Variants in DDX42 observed in about 807,000 individuals in gnomAD.
DDX42 encodes DEAD-box helicase 42.
DDX42 carries 22 observed loss-of-function variants against 101.5 expected under a neutral mutation model. The ratio of observed to expected loss-of-function variants is 0.22; its 90% CI spans 0.15 to 0.31. DDX42 has a LOEUF of 0.31. DDX42 is among the 10% of genes least tolerant of loss of function. The pLI, the probability that DDX42 is intolerant of heterozygous loss-of-function variation, is 1.00. For synonymous variants in DDX42, 402 were observed against 401.2 expected (o/e 1.00, Z -0.02); for missense variants, 849 against 1,199.9 (o/e 0.71, Z 4.32).
chr17:63,813,247 T>A lies in DDX42; in HGVS notation c.1695T>A (p.Pro565=). ...TDVAARGLDI[P]SIKTVINYDV... ...TTTCAGCCCGTGGTCTGGACATTCCTTCAATTAAGACTGTCATTAACTATG... is the reference window on the plus strand; with the variant it reads ...TTTCAGCCCGTGGTCTGGACATTCCATCAATTAAGACTGTCATTAACTATG... The change falls in exon 15 of 18, where the codon CCT becomes CCA. Residue 565 remains proline (P), a synonymous_variant. Transcript: ENST00000389924. The A allele has an allele frequency of 6.2e-7, 1 of 1,607,674 alleles. No individual in the cohort carries two copies. Among genetic ancestry groups the A allele is most frequent in the East Asian group, 2.2e-5 (1 of 44,668 alleles).
At chr17:63,787,331 C>T (rs1381830888) in intron 2 of DDX42, 61 bp downstream of exon 2, 2 of 1,524,588 alleles carry the variant, frequency 1.3e-6, no homozygotes, top group Non-Finnish European at 1.8e-6. Flanking sequence ...ATTCTATCAG[C>T]AGAAATTGAG....
At chr17:63,792,670 T>G in intron 3 of DDX42, 108 bp downstream of exon 3, 1 of 1,314,066 alleles carries the variant, frequency 7.6e-7, no homozygotes, top group South Asian at 1.7e-5. Context: ...TATTATTTTT[T>G]TTTTTTTGAG....
At chr17:63,790,100 T>G (rs2039607170) in intron 2 of DDX42, among the ~76,000 whole-genome samples, 1 of 152,080 alleles carries the variant, frequency 6.6e-6, no homozygotes, top group African/African-American at 2.4e-5. Context: ...ATAGCTATGT[T>G]TGCATCACTG....
chr17:63,792,523 C>T lies in DDX42; in HGVS notation c.333C>T (p.Ser111=), dbSNP rs767125429. 43 of 1,613,490 alleles carry T rather than the reference C, an allele frequency of 2.7e-5. No homozygotes were observed. In the East Asian group the frequency reaches 8.3e-4, roughly 31 times the overall value. ...QFHSKPVDSD[S]DDDPLEAFMA... ...ATTCCAAGCCAGTAGATTCTGACAGCGATGATGATCCCTTGGAGGCATTCA... is the reference window on the plus strand; with the variant it reads ...ATTCCAAGCCAGTAGATTCTGACAGTGATGATGATCCCTTGGAGGCATTCA... The change falls in exon 3 of 18, where the codon AGC becomes AGT. Residue 111 remains serine, a synonymous_variant. Transcript: ENST00000389924.
At chr17:63,784,383 A>G (rs2039522514) in intron 1 of DDX42, among the ~76,000 whole-genome samples, 1 of 152,234 alleles carries the variant, frequency 6.6e-6, no homozygotes, top group South Asian at 2.1e-4. Flanking sequence ...TATATAACTC[A>G]TGGTTTTTAC....
At chr17:63,777,955 A>G (rs1246725854) in intron 1 of DDX42, among the ~76,000 whole-genome samples, 1 of 152,222 alleles carries the variant, frequency 6.6e-6, no homozygotes, top group East Asian at 1.9e-4. Context: ...CCTGGGAAAT[A>G]TGAATGGTAA....
intron 1 of DDX42, among the ~76,000 whole-genome samples, chr17:63,785,031 G>A (rs898115722): frequency 8.6e-5 from 13 of 152,040 alleles, no homozygotes; most frequent in African/African-American, 2.9e-4. Flanking sequence ...TTTTTAATTT[G>A]TGTGTATATA....
chr17:63,806,946 G>A lies in DDX42; in HGVS notation c.846+292G>A, dbSNP rs1367534588. Among the ~76,000 whole-genome samples the A allele has an allele frequency of 3.3e-5, 5 of 152,044 alleles. 1 individual carries two copies. In the South Asian group the frequency reaches 8.3e-4, roughly 25 times the overall value. On this transcript the variant is annotated intron_variant, in intron 8 of 17. Transcript: ENST00000389924. ...GTCAATGACTAGAATTCCTTCGTTC[G>A]TCACTTGAAAATTCTCATTCATTAC...
chr17:63,818,713 T>A lies in DDX42; in HGVS notation c.*315T>A. On this transcript the variant is annotated 3_prime_UTR_variant, in exon 18 of 18. Coordinates refer to ENST00000389924, the MANE Select transcript of DDX42 (RefSeq NM_203499.3). ...CAAAACTCACTCTAGGTTTATATTG[T>A]ATGTAGCTTATATTTTTTACTAAGG... 1 of 247,846 alleles carries A rather than the reference T, an allele frequency of 4.0e-6. No individual in the cohort carries two copies. Among genetic ancestry groups the A allele is most frequent in the Admixed American group, 4.9e-5 (1 of 20,306 alleles). 15.4% of individuals were successfully genotyped at this position (247,846 alleles called of 1,614,324 possible).
Position 63,809,676 on chromosome 17 carries a change from A to G in DDX42, c.1252+17A>G. ...TGGGATTTGGTATGCCTTGAATACC[A>G]GTTTCTTCTGTCCCCATCCTCATGA... is the stretch of plus-strand genomic sequence containing the variant. On this transcript the variant is annotated intron_variant, in intron 11 of 17. Coordinates refer to ENST00000389924, the MANE Select transcript of DDX42 (RefSeq NM_203499.3). 6.3e-7 allele frequency: 1 copy of G among 1,596,920 alleles called. No homozygotes were observed. The highest frequency in any genetic ancestry group is 1.1e-5 in the South Asian group (1 of 90,714).
chr17:63,810,610 T>TTA, intron 12 of DDX42, 50 bp downstream of exon 12: 1 of 1,538,670 alleles, frequency 6.5e-7, no homozygotes, highest in Non-Finnish European at 9.0e-7. Context: ...AAAAGGGCAC[T>TTA]TATTTATTTT....
rs1328664423 is a variant in DDX42, at chr17:63,792,485, C to T, written c.295C>T (p.Arg99Cys). ...CATTCCTGCTGAAAACTCACCAACT[C>T]GCCAGCAATTCCATTCCAAGCCAGT... Reference protein sequence around the residue: ...PYIPAENSPTRQQFHSKPVDS... With the variant: ...PYIPAENSPTCQQFHSKPVDS... The change falls in exon 3 of 18, where the codon CGC (arginine) becomes TGC (cysteine). Residue 99 changes from arginine to cysteine, a missense_variant. Coordinates refer to ENST00000389924, the MANE Select transcript of DDX42 (RefSeq NM_203499.3). The T allele has an allele frequency of 3.1e-6, 5 of 1,613,878 alleles. No individual in the cohort carries two copies. Among genetic ancestry groups the T allele is most frequent in the Non-Finnish European group, 4.2e-6 (5 of 1,179,908 alleles).
intron 1 of DDX42, among the ~76,000 whole-genome samples, chr17:63,780,859 G>C (rs1023773544): frequency 6.6e-6 from 1 of 152,136 alleles, no homozygotes; most frequent in Non-Finnish European, 1.5e-5. Flanking sequence ...TAGCTTTGGG[G>C]GAAGAGTGAG....
intron 6 of DDX42, among the ~76,000 whole-genome samples, chr17:63,803,989 C>T (rs545575730): frequency 1.3e-5 from 2 of 152,208 alleles, no homozygotes; most frequent in African/African-American, 4.8e-5. Context: ...TAAAACCAAC[C>T]TATTGCAATA....
At chr17:63,778,838 AC>A (rs1302463843) in intron 1 of DDX42, among the ~76,000 whole-genome samples, 1 of 152,020 alleles carries the variant, frequency 6.6e-6, no homozygotes, top group Non-Finnish European at 1.5e-5. Flanking sequence ...ATGGGGTTTC[AC>A]CATGTTGGCC....
chr17:63,807,705 T>C lies in DDX42; in HGVS notation c.847-19T>C. On this transcript the variant is annotated intron_variant, in intron 8 of 17. Coordinates refer to ENST00000389924, the MANE Select transcript of DDX42 (RefSeq NM_203499.3). Reference sequence around the variant, plus strand: ...TAGAATTGAAATTTTAGAGTGGTTATATTTTACTTTTTCTCCAGGGTGTGC... The same window carrying C: ...TAGAATTGAAATTTTAGAGTGGTTACATTTTACTTTTTCTCCAGGGTGTGC... The C allele has an allele frequency of 6.2e-7, 1 of 1,603,018 alleles. No homozygotes were observed. The highest frequency in any genetic ancestry group is 8.5e-7 in the Non-Finnish European group (1 of 1,174,906).
chr17:63,789,046 G>A (rs1368021020), intron 2 of DDX42, among the ~76,000 whole-genome samples: 1 of 151,892 alleles, frequency 6.6e-6, no homozygotes, highest in East Asian at 1.9e-4. Context: ...AGGACCATAG[G>A]CACATGCCAC....
rs774581428 is a variant in DDX42, at chr17:63,815,670, C to A, written c.2010C>A (p.Asn670Lys). The change falls in exon 16 of 18, where the codon AAC (asparagine) becomes AAA (lysine). Residue 670 changes from asparagine to lysine, a missense_variant. By Grantham distance (94) the Asn-to-Lys change is moderately conservative. Coordinates refer to ENST00000389924, the MANE Select transcript of DDX42 (RefSeq NM_203499.3). ...AGCGGCCTGGCCTGGGCTCTGAGAACATGGTGAGTCTAGACTACTACAGTA... is the reference window on the plus strand; with the variant it reads ...AGCGGCCTGGCCTGGGCTCTGAGAAAATGGTGAGTCTAGACTACTACAGTA... ...YRERPGLGSE[N>K]MDRGNNNVMS... The A allele has an allele frequency of 2.5e-6, 4 of 1,609,308 alleles. No homozygotes were observed. The highest frequency in any genetic ancestry group is 3.4e-6 in the Non-Finnish European group (4 of 1,175,954).
chr17:63,798,447 G>A (rs2039720136), intron 4 of DDX42, among the ~76,000 whole-genome samples: 1 of 152,176 alleles, frequency 6.6e-6, no homozygotes, highest in African/African-American at 2.4e-5. Context: ...ATAGGTTTAT[G>A]CCTATATGGT....
Sources: gnomAD v4.1 joint callset for allele counts (sites outside exome capture counted in the v4.1 genomes callset) on GRCh38, gnomAD v4.1.1 for gene constraint, MANE v1.5 for transcripts, NCBI Gene and HGNC (gene_info 2026-07-23, HGNC 2026-07-21) for gene names.